The following SPHKAP variants were observed in gnomAD, a reference collection of about 807,000 sequenced individuals.
SPHKAP encodes the protein SPHK1 interactor, AKAP domain containing.
SPHKAP carries 67 observed loss-of-function variants against 137.5 expected under a neutral mutation model. That is an observed-to-expected ratio of 0.49 (90% CI 0.40 to 0.60). SPHKAP has a LOEUF of 0.60. Ranked by LOEUF, SPHKAP falls within the 20% of genes least tolerant of loss-of-function variation. The probability of loss-of-function intolerance (pLI) is 0.00; values close to 1 mark genes in which losing one functional copy is unlikely to be tolerated. For synonymous variants in SPHKAP, 813 were observed against 785.3 expected (o/e 1.04, Z -0.59); for missense variants, 2,097 against 2,069.3 (o/e 1.01, Z -0.26).
chr2:228,109,957 A>C (rs1488583405), intron 2 of SPHKAP, among the ~76,000 whole-genome samples: 1 of 15,668 alleles, frequency 6.4e-5, no homozygotes, highest in Non-Finnish European at 1.6e-4. Context: ...AAAATGTCTC[A>C]AAAAAAAAAA....
chr2:228,131,965 G>A lies in SPHKAP; in HGVS notation c.138+15C>T, dbSNP rs371512580. The A allele has an allele frequency of 1.3e-4, 204 of 1,611,568 alleles. 1 individual carries two copies. The South Asian group carries it at 1.8e-3, about 14-fold the overall frequency. ...GTTCAACTGACAAGAAGAAAGTGGCGTAAGGCAAGGTTACCTTCTTACAGG... is the reference window on the plus strand; with the variant it reads ...GTTCAACTGACAAGAAGAAAGTGGCATAAGGCAAGGTTACCTTCTTACAGG... On this transcript the variant is annotated intron_variant, in intron 2 of 11. Coordinates refer to ENST00000392056, the MANE Select transcript of SPHKAP (RefSeq NM_001142644.2).
chr2:228,122,908 C>A (rs934974285), intron 2 of SPHKAP, among the ~76,000 whole-genome samples: 1 of 152,154 alleles, frequency 6.6e-6, no homozygotes, highest in Admixed American at 6.5e-5. Context: ...CTCCCAGTGC[C>A]CCCTTCCCAA....
At chr2:228,155,505 T>C (rs1305656097) in intron 1 of SPHKAP, among the ~76,000 whole-genome samples, 1 of 152,160 alleles carries the variant, frequency 6.6e-6, no homozygotes. Flanking sequence ...TAGCCAAAGT[T>C]CAAGAAACTT....
rs1054470042 is a variant in SPHKAP, at chr2:227,980,406, T to G, written c.*1311A>C. 4.6e-5 allele frequency: 7 copies of G among 152,206 alleles called. No homozygotes were observed. The highest frequency in any genetic ancestry group is 8.8e-5 in the Non-Finnish European group (6 of 68,032). 9.4% of individuals were successfully genotyped at this position (152,206 alleles called of 1,614,324 possible). ...AACCTGTTCACATTTAAAATTACTT[T>G]GTGATCTTTAAAAATAGAGTAAAAG... On this transcript the variant is annotated 3_prime_UTR_variant, in exon 12 of 12. Coordinates refer to ENST00000392056, the MANE Select transcript of SPHKAP (RefSeq NM_001142644.2).
intron 8 of SPHKAP, chr2:227,993,947 A>G: frequency 1.6e-6 from 1 of 644,794 alleles, no homozygotes; most frequent in Non-Finnish European, 1.9e-6. Flanking sequence ...TCTTCATTCT[A>G]GTTACGGTGA....
intron 3 of SPHKAP, among the ~76,000 whole-genome samples, chr2:228,049,517 G>A (rs116768662): frequency 2.0e-5 from 3 of 152,006 alleles, no homozygotes; most frequent in Admixed American, 2.0e-4. Flanking sequence ...AATAATTTTG[G>A]CTTTTATTTC....
rs114185423 is a variant in SPHKAP, at chr2:228,107,151, G to A, written c.246+1681C>T. 5.1e-3 allele frequency among the ~76,000 whole-genome samples: 776 copies of A among 151,582 alleles called. 6 individuals are homozygous for A. The highest frequency in any genetic ancestry group is 0.018 in the African/African-American group (724 of 41,306). On this transcript the variant is annotated intron_variant, in intron 3 of 11. Coordinates refer to ENST00000392056, the MANE Select transcript of SPHKAP (RefSeq NM_001142644.2). ...ATACAACATATTGCTACTAGTTATC[G>A]TCACCATGTTCTACCATAGACCTCT... is the stretch of plus-strand genomic sequence containing the variant.
Position 228,018,280 on chromosome 2 carries a change from T to C in SPHKAP, c.2574A>G (p.Glu858=). The C allele has an allele frequency of 6.2e-7, 1 of 1,614,222 alleles. No individual in the cohort carries two copies. Among genetic ancestry groups the C allele is most frequent in the Non-Finnish European group, 8.5e-7 (1 of 1,180,034 alleles). ...GGCTGACCGTTGGGGACCTTTGTCC[T>C]TCGGAAGAGGCTCTGCATTCATTCT... ...HSENECRASS[E]GQRSPTVSQS... is the part of the protein sequence containing the mutation. Residue 858 remains glutamate, a synonymous_variant, in exon 7 of 12, where the codon GAA becomes GAG. Coordinates refer to ENST00000392056, the MANE Select transcript of SPHKAP (RefSeq NM_001142644.2).
intron 3 of SPHKAP, among the ~76,000 whole-genome samples, chr2:228,035,805 G>A (rs984520576): frequency 5.9e-5 from 9 of 152,194 alleles, no homozygotes; most frequent in African/African-American, 2.2e-4. Flanking sequence ...TTAATAAATG[G>A]TGCTGGGAAA....
At position 228,016,959 on chromosome 2, in the gene SPHKAP, C is replaced by A. The variant is rs146255336; in HGVS notation, c.3895G>T (p.Asp1299Tyr). 1.2e-6 allele frequency: 2 copies of A among 1,614,110 alleles called. No individual in the cohort carries two copies. The highest frequency in any genetic ancestry group is 1.3e-5 in the African/African-American group (1 of 75,030). The change falls in exon 7 of 12, where the codon GAC (aspartate) becomes TAC (tyrosine). Residue 1299 changes from aspartate (D) to tyrosine (Y), a missense_variant. Coordinates refer to ENST00000392056, the MANE Select transcript of SPHKAP (RefSeq NM_001142644.2). The stretch of plus-strand genomic sequence containing the variant: ...TGAATTAACATGTTGGTGATGTGGT[C>A]AGTCCCACCTCTCCGATACAAGCAA... ...DSCLYRRGGT[D>Y]HITNMLIHET...
At chr2:228,148,828 A>G (rs1699851432) in intron 1 of SPHKAP, among the ~76,000 whole-genome samples, 1 of 152,180 alleles carries the variant, frequency 6.6e-6, no homozygotes, top group Non-Finnish European at 1.5e-5. Flanking sequence ...AAAAAAAGAA[A>G]CACAAGTTTT....
At chr2:228,102,491 A>G (rs1165284056) in intron 3 of SPHKAP, among the ~76,000 whole-genome samples, 1 of 152,168 alleles carries the variant, frequency 6.6e-6, no homozygotes, top group African/African-American at 2.4e-5. Context: ...ATTGATCTTA[A>G]TTTTACATGT....
rs78599267 is a variant in SPHKAP at position 228,025,026 on chromosome 2, T to C, written c.441+368A>G. ...AATACATAACATCTGAAAGATGATA[T>C]TGTGGGATTCTGAAATAGAATTTTC... On this transcript the variant is annotated intron_variant, in intron 5 of 11. Coordinates refer to ENST00000392056, the MANE Select transcript of SPHKAP (RefSeq NM_001142644.2). Among the ~76,000 whole-genome samples, 1,393 of 152,256 alleles carry C rather than the reference T, an allele frequency of 9.1e-3. 22 individuals carry two copies. The highest frequency in any genetic ancestry group is 0.031 in the African/African-American group (1,273 of 41,534).
At chr2:228,010,082 A>G (rs945376059) in intron 7 of SPHKAP, among the ~76,000 whole-genome samples, 2 of 152,002 alleles carry the variant, frequency 1.3e-5, no homozygotes, top group Non-Finnish European at 2.9e-5. Flanking sequence ...TCTGCTCAGG[A>G]TTTCCCTCTT....
chr2:228,034,258 G>A (rs893586210), intron 3 of SPHKAP, among the ~76,000 whole-genome samples: 50 of 152,218 alleles, frequency 3.3e-4, no homozygotes, highest in African/African-American at 1.1e-3. Flanking sequence ...ACACCTCTAC[G>A]CAAATAAACT....
At chr2:228,101,654 T>G (rs1361333097) in intron 3 of SPHKAP, among the ~76,000 whole-genome samples, 1 of 152,222 alleles carries the variant, frequency 6.6e-6, no homozygotes, top group Middle Eastern at 3.2e-3. Context: ...ATTTTGCAGA[T>G]AAGGAACCTG....
At chr2:228,042,103 C>T (rs1006397062) in intron 3 of SPHKAP, among the ~76,000 whole-genome samples, 3 of 152,102 alleles carry the variant, frequency 2.0e-5, no homozygotes, top group Non-Finnish European at 2.9e-5. Flanking sequence ...AACAAGCAAT[C>T]GTGCAAACAA....
intron 3 of SPHKAP, among the ~76,000 whole-genome samples, chr2:228,088,473 ATTCAC>A (rs1157260764): frequency 6.6e-6 from 1 of 152,218 alleles, no homozygotes; most frequent in Non-Finnish European, 1.5e-5. Flanking sequence ...ACTAGAAAAT[ATTCAC>A]TTCACACAAA....
At chr2:228,098,226 G>T (rs1000655463) in intron 3 of SPHKAP, among the ~76,000 whole-genome samples, 1 of 151,974 alleles carries the variant, frequency 6.6e-6, no homozygotes, top group East Asian at 1.9e-4. Context: ...GCATTTCTCT[G>T]ATAATTACTG....
Sources: allele counts gnomAD v4.1 joint callset (sites outside exome capture counted in the v4.1 genomes callset), GRCh38; gene constraint gnomAD v4.1.1; transcripts MANE v1.5; gene names NCBI Gene and HGNC (gene_info 2026-07-23, HGNC 2026-07-21).